SND1: variants seen among roughly 807,000 people sequenced by gnomAD.
The protein encoded by SND1 is staphylococcal nuclease and tudor domain containing 1.
Under a neutral mutation model 121.7 loss-of-function variants are expected in SND1, and 38 were observed. The observed-to-expected ratio is 0.31, with a 90% CI of 0.24 to 0.41. The LOEUF is 0.41. SND1 is among the 10% of genes least tolerant of loss of function. The pLI is 1.00. For synonymous variants in SND1, 401 were observed against 447.4 expected, an observed-to-expected ratio of 0.90 and a Z score of 1.31; for missense variants, 868 against 1,184.6, an observed-to-expected ratio of 0.73 and a Z score of 3.92.
chr7:127,709,989 A>ATT (rs879455745), intron 9 of SND1, among the ~76,000 whole-genome samples: 4 of 146,146 alleles, frequency 2.7e-5, no homozygotes, highest in African/African-American at 7.5e-5. Context: ...TTGTTTTGTA[A>ATT]TTTTTTTTTT....
intron 1 of SND1, among the ~76,000 whole-genome samples, chr7:127,684,861 A>G (rs1395400877): frequency 6.6e-6 from 1 of 152,198 alleles, no homozygotes; most frequent in East Asian, 1.9e-4. Context: ...ATATTGAGAC[A>G]TTATCAGAGT....
chr7:127,710,261 G>A (rs1796275317), intron 9 of SND1, among the ~76,000 whole-genome samples: 1 of 152,136 alleles, frequency 6.6e-6, no homozygotes, highest in Non-Finnish European at 1.5e-5. Flanking sequence ...GCAGAGGTGA[G>A]TAGTTGTGAT....
At chr7:127,848,981 A>G (rs189769069) in intron 12 of SND1, among the ~76,000 whole-genome samples, 5 of 152,306 alleles carry the variant, frequency 3.3e-5, no homozygotes, top group African/African-American at 1.2e-4. Context: ...CCTCTAATAG[A>G]TTAAAATTTT....
At position 127,843,034 on chromosome 7, in the gene SND1, C is replaced by T. The variant is rs113615998; in HGVS notation, c.1243-1290C>T. On this transcript the variant is annotated intron_variant, in intron 11 of 23. Coordinates refer to ENST00000354725, the MANE Select transcript of SND1 (RefSeq NM_014390.4). ...CTGTAAAGTAAAATTGCTGTGGGGA[C>T]CTATGTGTTTAGTTGTTTGATTTAC... Among the ~76,000 whole-genome samples the T allele has an allele frequency of 5.5e-3, 834 of 152,088 alleles. 3 individuals carry two copies. The highest frequency in any genetic ancestry group is 8.9e-3 in the Non-Finnish European group (608 of 67,988).
chr7:127,897,887 T>G (rs77224233), intron 13 of SND1, among the ~76,000 whole-genome samples: 8,946 of 152,172 alleles, frequency 0.059, 773 homozygotes, highest in African/African-American at 0.19. Context: ...AATTTTTTTC[T>G]GATGAACTTT....
intron 17 of SND1, among the ~76,000 whole-genome samples, chr7:128,075,234 T>G (rs1793487912): frequency 6.6e-6 from 1 of 152,198 alleles, no homozygotes; most frequent in Admixed American, 6.5e-5. Context: ...GGAAACCAAT[T>G]GACAATTGAG....
At chr7:127,744,606 T>C (rs1286347748) in intron 10 of SND1, among the ~76,000 whole-genome samples, 2 of 152,236 alleles carry the variant, frequency 1.3e-5, no homozygotes, top group African/African-American at 4.8e-5. Context: ...AGCTGCCCTA[T>C]GCTTTTTCTC....
At chr7:128,007,325 C>T (rs1803004826) in intron 16 of SND1, among the ~76,000 whole-genome samples, 2 of 152,158 alleles carry the variant, frequency 1.3e-5, no homozygotes, top group Admixed American at 1.3e-4. Flanking sequence ...ATGTTTTTCC[C>T]TAAGCTGAAA....
intron 15 of SND1, among the ~76,000 whole-genome samples, chr7:127,968,047 T>C (rs922898904): frequency 6.6e-6 from 1 of 152,226 alleles, no homozygotes; most frequent in Admixed American, 6.5e-5. Flanking sequence ...AGGTTATTAA[T>C]TGGCCAGGGT....
chr7:127,848,337 T>C (rs1799104488), intron 12 of SND1, among the ~76,000 whole-genome samples: 1 of 152,212 alleles, frequency 6.6e-6, no homozygotes, highest in Non-Finnish European at 1.5e-5. Flanking sequence ...ACAACCAGTT[T>C]AAACTAGATT....
At chr7:128,091,753 C>G (rs1793784449) in intron 22 of SND1, 84 bp from the exon 23 acceptor site, 2 of 1,436,094 alleles carry the variant, frequency 1.4e-6, no homozygotes, top group African/African-American at 1.4e-5. Flanking sequence ...AGCTCTGGCG[C>G]TTACCTAAGC....
intron 13 of SND1, among the ~76,000 whole-genome samples, chr7:127,899,595 C>A (rs1584651591): frequency 6.6e-6 from 1 of 152,088 alleles, no homozygotes. Context: ...CCCATGAAAG[C>A]CAAGTCTGAG....
At chr7:128,026,561 G>C (rs1400157629) in intron 16 of SND1, among the ~76,000 whole-genome samples, 1 of 152,184 alleles carries the variant, frequency 6.6e-6, no homozygotes, top group Non-Finnish European at 1.5e-5. Flanking sequence ...GTAAGCATCA[G>C]GAGACAGACA....
intron 16 of SND1, chr7:127,997,713 C>T (rs199874929): frequency 1.9e-6 from 1 of 532,766 alleles, no homozygotes; most frequent in Non-Finnish European, 3.9e-6. Flanking sequence ...CACCCCCACT[C>T]ACTTCGTAAT....
At chr7:127,892,446 G>A (rs117742054) in intron 13 of SND1, among the ~76,000 whole-genome samples, 6 of 152,112 alleles carry the variant, frequency 3.9e-5, no homozygotes, top group Admixed American at 1.3e-4. Flanking sequence ...TGTTCAGTTC[G>A]CTGACCCTTC....
In SND1 at chr7:127,796,903, T is replaced by TC. The variant is rs1313697834; in HGVS notation, c.1153-10581_1153-10580insC. Among the ~76,000 whole-genome samples, 10 of 149,472 alleles carry TC rather than the reference T, an allele frequency of 6.7e-5. No individual in the cohort carries two copies. In the East Asian group the frequency reaches 1.8e-3, roughly 26 times the overall value. On this transcript the variant is annotated intron_variant, in intron 10 of 23. Transcript: ENST00000354725. Reference sequence around the variant, plus strand: ...ATTTTCCTGAGTCTTTTTTTTTTTTTTTTTTTTGCTATTGAGTCTCTCTCT... The same window carrying TC: ...ATTTTCCTGAGTCTTTTTTTTTTTTTCTTTTTTTGCTATTGAGTCTCTCTCT...
rs1439839463 is a variant in SND1, at chr7:127,918,451, A to C, written c.1528-10737A>C. Among the ~76,000 whole-genome samples the C allele has an allele frequency of 2.6e-5, 4 of 152,168 alleles. No individual in the cohort carries two copies. The East Asian group carries it at 7.7e-4, about 29-fold the overall frequency. On this transcript the variant is annotated intron_variant, in intron 14 of 23. Transcript: ENST00000354725. ...CAAAGTTTCTGTTTTTAAATGCATC[A>C]AATATAAGTGAGTGAAAAGGATAGA...
intron 9 of SND1, among the ~76,000 whole-genome samples, 165 bp downstream of exon 9, chr7:127,707,812 T>TG (rs1796228268): frequency 1.7e-4 from 24 of 142,516 alleles, no homozygotes; most frequent in South Asian, 4.5e-4. Context: ...TGTGTGTGTG[T>TG]TTATTGTAGG....
rs368045090 is a variant in SND1, at chr7:128,092,094, G to T, written c.*36G>T. On this transcript the variant is annotated 3_prime_UTR_variant, in exon 24 of 24. Coordinates refer to ENST00000354725, the MANE Select transcript of SND1 (RefSeq NM_014390.4). This position sits in a 1 kb window ranked among gnomAD's most constrained non-coding sequence, Gnocchi z 4.9. Reference sequence around the variant, plus strand: ...GGGTTTGGCCCCCAGCCCCGCTCACGCCAGTCCCTCTTCCTCTGCCGGGAG... The same window carrying T: ...GGGTTTGGCCCCCAGCCCCGCTCACTCCAGTCCCTCTTCCTCTGCCGGGAG... 6.2e-7 allele frequency: 1 copy of T among 1,605,972 alleles called. No individual in the cohort carries two copies. Among genetic ancestry groups the T allele is most frequent in the Non-Finnish European group, 8.5e-7 (1 of 1,172,840 alleles).
Sources: allele counts gnomAD v4.1 joint callset (sites outside exome capture counted in the v4.1 genomes callset), GRCh38; gene constraint gnomAD v4.1.1; non-coding constraint Gnocchi (gnomAD v3.1); transcripts MANE v1.5; gene names NCBI Gene and HGNC (gene_info 2026-07-23, HGNC 2026-07-21).